WLS: variants seen among roughly 807,000 people sequenced by gnomAD.
WLS encodes Wnt ligand secretion mediator.
In WLS, 23 loss-of-function variants were observed where a neutral mutation model predicts 62.8. The observed-to-expected ratio is 0.37, with a 90% CI of 0.26 to 0.52. The LOEUF is 0.52. Ranked by LOEUF, WLS falls within the 20% of genes least tolerant of loss-of-function variation. WLS has a pLI of 0.92. For synonymous variants in WLS, 246 were observed against 244.1 expected (o/e 1.01, Z -0.07); for missense variants, 615 against 697.3 (o/e 0.88, Z 1.33).
intron 3 of WLS, among the ~76,000 whole-genome samples, chr1:68,155,551 G>C (rs138505814): frequency 6.6e-6 from 1 of 152,260 alleles, no homozygotes; most frequent in African/African-American, 2.4e-5. Flanking sequence ...ACCTTTCTAG[G>C]CTGTTTAATC....
chr1:68,111,643 A>AC (rs1019468096), intron 11 of WLS, among the ~76,000 whole-genome samples: 2 of 152,170 alleles, frequency 1.3e-5, no homozygotes, highest in African/African-American at 2.4e-5. Flanking sequence ...AGTCCTTTGA[A>AC]CGAGCCCTTT....
chr1:68,132,110 A>G (rs1646535293), intron 11 of WLS, among the ~76,000 whole-genome samples: 1 of 152,204 alleles, frequency 6.6e-6, no homozygotes, highest in Non-Finnish European at 1.5e-5. Flanking sequence ...GGTGACAAGA[A>G]TTCTAAGACT....
At chr1:68,189,026 T>C (rs1648136251) in intron 2 of WLS, among the ~76,000 whole-genome samples, 1 of 152,204 alleles carries the variant, frequency 6.6e-6, no homozygotes, top group African/African-American at 2.4e-5. Context: ...AGATGAAAAA[T>C]TCCAGAAATA....
chr1:68,232,477 C>G lies in WLS; in HGVS notation c.-178G>C. On this transcript the variant is annotated 5_prime_UTR_variant, in exon 1 of 12. Coordinates refer to ENST00000262348, the MANE Select transcript of WLS (RefSeq NM_024911.7). ...ACGGAAGGCGCCCGCACGGATTCCC[C>G]CGGCGCAGCCGGCTCGGGTTCCCCC... is the stretch of plus-strand genomic sequence containing the variant. 7.7e-6 allele frequency: 10 copies of G among 1,292,988 alleles called. No homozygotes were observed. Among genetic ancestry groups the G allele is most frequent in the Non-Finnish European group, 1.0e-5 (10 of 994,862 alleles). The allele number at this position is 1,292,988 out of a possible 1,614,324, so 80.1% of individuals were successfully genotyped here.
intron 1 of WLS, among the ~76,000 whole-genome samples, chr1:68,218,374 C>T (rs1649819024): frequency 6.6e-6 from 1 of 152,044 alleles, no homozygotes; most frequent in African/African-American, 2.4e-5. Flanking sequence ...AGAAATCGTA[C>T]ATCCAAGTCT....
intron 1 of WLS, among the ~76,000 whole-genome samples, chr1:68,224,282 TG>T (rs1173200878): frequency 2.0e-5 from 3 of 152,176 alleles, no homozygotes; most frequent in Admixed American, 2.0e-4. Flanking sequence ...AGCTCAGTTT[TG>T]GGGGATTGGG....
chr1:68,155,225 A>T lies in WLS; in HGVS notation c.540T>A (p.Asp180Glu). ...PEHEGRYYEC[D>E]VLPFMEIGSV... ...ACCCAATTTCCATGAAAGGAAGGACATCACATTCATAGTAACGGCCCTCAT... is the reference window on the plus strand; with the variant it reads ...ACCCAATTTCCATGAAAGGAAGGACTTCACATTCATAGTAACGGCCCTCAT... The change falls in exon 4 of 12, where the codon GAT (aspartate) becomes GAA (glutamate). Residue 180 changes from aspartate (D) to glutamate (E), a missense_variant. Transcript: ENST00000262348. The T allele has an allele frequency of 6.2e-7, 1 of 1,613,832 alleles. No homozygotes were observed. The highest frequency in any genetic ancestry group is 8.5e-7 in the Non-Finnish European group (1 of 1,179,846).
intron 2 of WLS, chr1:68,186,501 TA>T (rs5774920): frequency 0.12 from 40,116 of 342,902 alleles, 8 homozygotes; most frequent in South Asian, 0.17. Context: ...CACGAAAAGT[TA>T]AAAAAAAAAA....
intron 3 of WLS, among the ~76,000 whole-genome samples, chr1:68,156,860 C>T (rs879621438): frequency 2.0e-5 from 3 of 152,196 alleles, no homozygotes; most frequent in South Asian, 4.1e-4. Context: ...GGCTCTAATT[C>T]TCCCTCAGAT....
intron 11 of WLS, among the ~76,000 whole-genome samples, chr1:68,108,749 A>G (rs1372706845): frequency 1.3e-5 from 2 of 152,226 alleles, no homozygotes; most frequent in African/African-American, 2.4e-5. Context: ...GCTCAAGGCT[A>G]TAAGTTTATT....
At chr1:68,143,510 TATC>T (rs1646714094) in intron 10 of WLS, among the ~76,000 whole-genome samples, 1 of 152,362 alleles carries the variant, frequency 6.6e-6, no homozygotes, top group South Asian at 2.1e-4. Context: ...AAGATTATAA[TATC>T]ATATTTTTAC....
chr1:68,111,442 C>T (rs1206104717), intron 11 of WLS, among the ~76,000 whole-genome samples: 2 of 152,176 alleles, frequency 1.3e-5, no homozygotes, highest in African/African-American at 2.4e-5. Context: ...GCTGTCTTTT[C>T]TGTAGAGAGA....
chr1:68,156,486 T>C (rs1391011218), intron 3 of WLS, among the ~76,000 whole-genome samples: 2 of 152,018 alleles, frequency 1.3e-5, no homozygotes, highest in African/African-American at 4.8e-5. Context: ...TACTGAACAG[T>C]CAGAGCTTAG....
chr1:68,168,515 AT>A (rs1376290448), intron 2 of WLS, among the ~76,000 whole-genome samples: 1 of 152,154 alleles, frequency 6.6e-6, no homozygotes, highest in Non-Finnish European at 1.5e-5. Flanking sequence ...GCTGGGTTAT[AT>A]TGTTGACCTA....
At chr1:68,119,815 A>G (rs1296051162) in intron 11 of WLS, among the ~76,000 whole-genome samples, 1 of 152,264 alleles carries the variant, frequency 6.6e-6, no homozygotes, top group Non-Finnish European at 1.5e-5. Flanking sequence ...CACTCCGTGT[A>G]AAGAACATCA....
chr1:68,132,166 C>G (rs1175581002), intron 11 of WLS, among the ~76,000 whole-genome samples: 1 of 152,204 alleles, frequency 6.6e-6, no homozygotes. Context: ...GGTCAGGTCA[C>G]TGGCACAGCA....
intron 5 of WLS, among the ~76,000 whole-genome samples, chr1:68,150,795 G>A (rs1646815212): frequency 6.6e-6 from 1 of 152,164 alleles, no homozygotes; most frequent in Non-Finnish European, 1.5e-5. Flanking sequence ...AATAATACAT[G>A]ACTCCAAACA....
intron 11 of WLS, among the ~76,000 whole-genome samples, chr1:68,101,213 C>A (rs1159459433): frequency 6.6e-6 from 1 of 152,138 alleles, no homozygotes; most frequent in Non-Finnish European, 1.5e-5. Flanking sequence ...ATAATCAACA[C>A]CTCATGGGTT....
chr1:68,151,042 T>C (rs763485147), intron 5 of WLS, among the ~76,000 whole-genome samples: 7 of 152,308 alleles, frequency 4.6e-5, no homozygotes, highest in Admixed American at 2.6e-4. Context: ...TCACGGGAGA[T>C]ACAGTTAGTA....
Sources: allele counts gnomAD v4.1 joint callset (sites outside exome capture counted in the v4.1 genomes callset), GRCh38; gene constraint gnomAD v4.1.1; transcripts MANE v1.5; gene names NCBI Gene and HGNC (gene_info 2026-07-23, HGNC 2026-07-21).